THRB: variants seen among roughly 807,000 people sequenced by gnomAD.
THRB encodes the protein nuclear receptor subfamily 1 group A member 2.
A neutral mutation model predicts 47.8 loss-of-function variants in THRB; 12 were observed. The observed-to-expected ratio is 0.25, with a 90% confidence interval of 0.16 to 0.41. The LOEUF is 0.41. THRB is among the 10% of genes least tolerant of loss of function. THRB has a pLI of 1.00. For missense variants in THRB, 348 were observed against 589.2 expected (o/e 0.59, Z 4.24); for synonymous variants, 218 against 212.2 (o/e 1.03, Z -0.24).
chr3:24,308,970 G>T (rs1404171529), intron 2 of THRB, among the ~76,000 whole-genome samples: 2 of 151,930 alleles, frequency 1.3e-5, no homozygotes, highest in African/African-American at 2.4e-5. Context: ...TGCTACTCAG[G>T]CCCCAAACAG....
chr3:24,197,823 T>C (rs529462922), intron 4 of THRB, among the ~76,000 whole-genome samples: 1 of 152,228 alleles, frequency 6.6e-6, no homozygotes, highest in African/African-American at 2.4e-5. Context: ...AGCATAGCCT[T>C]AGACAAGCTC....
chr3:24,318,506 T>C (rs1406600978), intron 2 of THRB: 1 of 152,242 alleles, frequency 6.6e-6, no homozygotes, highest in African/African-American at 2.4e-5. Context: ...TGAAAATACA[T>C]ACACATTTTG....
chr3:24,315,486 A>G (rs1030899795), intron 2 of THRB, among the ~76,000 whole-genome samples: 1 of 152,168 alleles, frequency 6.6e-6, no homozygotes, highest in East Asian at 1.9e-4. Context: ...GGCTGTGTGG[A>G]TTTTGCCACA....
At chr3:24,383,382 C>A (rs1480940221) in intron 1 of THRB, among the ~76,000 whole-genome samples, 2 of 152,054 alleles carry the variant, frequency 1.3e-5, no homozygotes, top group Non-Finnish European at 2.9e-5. Context: ...TTATTAATAT[C>A]TAGGGATTGG....
In THRB at chr3:24,119,723, G is replaced by A. The variant is rs1343722392; in HGVS notation, c.*3161C>T. 1 of 152,250 alleles carries A rather than the reference G, an allele frequency of 6.6e-6. No individual in the cohort carries two copies. Among genetic ancestry groups the A allele is most frequent in the Non-Finnish European group, 1.5e-5 (1 of 68,074 alleles). The allele number at this position is 152,250 out of a possible 1,614,324, so 9.4% of individuals were successfully genotyped here. On this transcript the variant is annotated 3_prime_UTR_variant, in exon 11 of 11. Transcript: ENST00000646209. The stretch of plus-strand genomic sequence containing the variant: ...GCATCAACAGGTCAAGCGCGTCATT[G>A]AGGACCGAGGCTCTAGAAAAAGCTC...
Position 24,459,725 on chromosome 3 carries a change from CTTT to C in THRB, c.-261+34924_-261+34926del, listed in dbSNP as rs1037913823. On this transcript the variant is annotated intron_variant, in intron 1 of 10. Coordinates refer to ENST00000646209, the MANE Select transcript of THRB (RefSeq NM_001354712.2). ...TTCTTGGATGACCAGTGATGATGAG[CTTT>C]TTTTCATGTTTGTTGGCTGCATAAA... Among the ~76,000 whole-genome samples the C allele has an allele frequency of 3.3e-5, 5 of 152,164 alleles. No homozygotes were observed. The East Asian group carries it at 7.7e-4, about 23-fold the overall frequency.
intron 1 of THRB, among the ~76,000 whole-genome samples, chr3:24,439,789 C>T (rs1000048922): frequency 1.3e-5 from 2 of 152,210 alleles, no homozygotes; most frequent in Admixed American, 6.5e-5. Context: ...AATACCTTCT[C>T]TTCTACAGGT....
chr3:24,188,208 A>G (rs981077037), intron 5 of THRB, among the ~76,000 whole-genome samples: 2 of 152,198 alleles, frequency 1.3e-5, no homozygotes, highest in African/African-American at 4.8e-5. Flanking sequence ...CATAGTTCAA[A>G]GTATTTATAT....
intron 4 of THRB, among the ~76,000 whole-genome samples, chr3:24,219,888 GAAC>G (rs2046981006): frequency 1.3e-5 from 2 of 152,166 alleles, no homozygotes; most frequent in Non-Finnish European, 2.9e-5. Flanking sequence ...CCAAGTTTGA[GAAC>G]AACAGCTCTT....
chr3:24,295,204 GA>G (rs2056341417), intron 3 of THRB, among the ~76,000 whole-genome samples: 2 of 152,260 alleles, frequency 1.3e-5, no homozygotes, highest in South Asian at 4.1e-4. Context: ...GCTCAAGATA[GA>G]AATATGAAAA....
chr3:24,321,681 A>G lies in THRB; in HGVS notation c.-189+15619T>C, dbSNP rs575531247. ...TCCACAGTTTTCATAAGGTTCCCCT[A>G]AAGAACCGTGAATCCAAAATGTTAG... On this transcript the variant is annotated intron_variant, in intron 2 of 10. Transcript: ENST00000646209. Among the ~76,000 whole-genome samples the G allele has an allele frequency of 2.0e-5, 3 of 152,148 alleles. No individual in the cohort carries two copies. The East Asian group carries it at 5.8e-4, about 29-fold the overall frequency.
intron 2 of THRB, among the ~76,000 whole-genome samples, chr3:24,301,579 C>T (rs1470889321): frequency 6.6e-6 from 1 of 151,934 alleles, no homozygotes; most frequent in African/African-American, 2.4e-5. Flanking sequence ...ATCTTTTTAT[C>T]TATCCCTTAT....
Position 24,120,337 on chromosome 3 carries a change from G to A in THRB, c.*2547C>T, listed in dbSNP as rs532604603. 1.3e-5 allele frequency: 2 copies of A among 152,332 alleles called. No individual in the cohort carries two copies. The highest frequency in any genetic ancestry group is 4.8e-5 in the African/African-American group (2 of 41,570). 9.4% of individuals were successfully genotyped at this position (152,332 alleles called of 1,614,324 possible). A position where few individuals can be genotyped will look rare whatever the true frequency, so the allele number is the denominator to read the frequency against. ...TCATTTAAGGTGCCAAGGATCAAAC[G>A]TTCCTTTACTTGCGGCTGGCTGGAT... On this transcript the variant is annotated 3_prime_UTR_variant, in exon 11 of 11. Coordinates refer to ENST00000646209, the MANE Select transcript of THRB (RefSeq NM_001354712.2).
At chr3:24,131,791 G>C (rs977584159) in intron 9 of THRB, among the ~76,000 whole-genome samples, 4 of 152,180 alleles carry the variant, frequency 2.6e-5, no homozygotes, top group African/African-American at 9.7e-5. Context: ...ACTTGATCGT[G>C]AACGTCCCAG....
At chr3:24,261,433 A>T (rs2051989371) in intron 3 of THRB, among the ~76,000 whole-genome samples, 1 of 135,344 alleles carries the variant, frequency 7.4e-6, no homozygotes. Flanking sequence ...CAGGAGATGG[A>T]GGTTGCAGTG....
At chr3:24,303,952 A>G (rs989096052) in intron 2 of THRB, among the ~76,000 whole-genome samples, 7 of 152,154 alleles carry the variant, frequency 4.6e-5, no homozygotes, top group African/African-American at 1.7e-4. Flanking sequence ...TCTTGATCAT[A>G]GAGTATTCTT....
At chr3:24,437,907 G>T (rs905120260) in intron 1 of THRB, among the ~76,000 whole-genome samples, 1 of 151,364 alleles carries the variant, frequency 6.6e-6, no homozygotes, top group African/African-American at 2.4e-5. Context: ...ATTTTTATTT[G>T]TGTTTATGTC....
intron 1 of THRB, among the ~76,000 whole-genome samples, chr3:24,426,581 C>T (rs111746600): frequency 0.02 from 3,012 of 151,928 alleles, 35 homozygotes; most frequent in Non-Finnish European, 0.027. Context: ...ATAGTGTACC[C>T]GAGATGCTCT....
chr3:24,427,420 T>A (rs564781326), intron 1 of THRB, among the ~76,000 whole-genome samples: 1 of 151,916 alleles, frequency 6.6e-6, no homozygotes, highest in Non-Finnish European at 1.5e-5. Context: ...GTGACTGAGG[T>A]AAACCTCTCC....
Sources: allele counts gnomAD v4.1 joint callset (sites outside exome capture counted in the v4.1 genomes callset), GRCh38; gene constraint gnomAD v4.1.1; transcripts MANE v1.5; gene names NCBI Gene and HGNC (gene_info 2026-07-23, HGNC 2026-07-21).